The following NUFIP2 variants were observed in gnomAD, a reference collection of about 807,000 sequenced individuals.
The protein encoded by NUFIP2 is FMR1-interacting protein NUFIP2.
In NUFIP2, 6 loss-of-function variants were observed where a neutral mutation model predicts 56.9. The ratio of observed to expected loss-of-function variants is 0.11; its 90% CI spans 0.06 to 0.21. The LOEUF (loss-of-function observed/expected upper bound fraction) is 0.21. Among genes scored for constraint, NUFIP2 ranks in the 10% least tolerant of loss-of-function variants. The pLI, the probability that NUFIP2 is intolerant of heterozygous loss-of-function variation, is 1.00. For synonymous variants in NUFIP2, 321 were observed against 298.2 expected (o/e 1.08, Z -0.79); for missense variants, 828 against 826.8 (o/e 1.00, Z -0.02).
At chr17:29,285,785 T>C (rs939632131) in intron 2 of NUFIP2, among the ~76,000 whole-genome samples, 2 of 152,190 alleles carry the variant, frequency 1.3e-5, no homozygotes, top group Non-Finnish European at 2.9e-5. Context: ...AAAATCCTTT[T>C]AAGTTGGAAA....
chr17:29,284,182 G>T (rs545968601), intron 2 of NUFIP2, among the ~76,000 whole-genome samples: 1 of 152,270 alleles, frequency 6.6e-6, no homozygotes, highest in Admixed American at 6.5e-5. Flanking sequence ...GTTAAAATGG[G>T]AATGTGCACT....
chr17:29,282,616 C>T (rs921770703), intron 2 of NUFIP2, among the ~76,000 whole-genome samples: 1 of 151,392 alleles, frequency 6.6e-6, no homozygotes, highest in South Asian at 2.1e-4. Context: ...ATAAATAGTG[C>T]ACCATTCTTA....
chr17:29,265,593 C>T (rs1359136092), intron 3 of NUFIP2, among the ~76,000 whole-genome samples: 4 of 147,492 alleles, frequency 2.7e-5, no homozygotes, highest in Non-Finnish European at 4.5e-5. Context: ...TGAGCCACCG[C>T]GCCCGGCCAG....
intron 2 of NUFIP2, among the ~76,000 whole-genome samples, chr17:29,268,439 A>T (rs12450460): frequency 0.13 from 19,279 of 152,242 alleles, 1,392 homozygotes; most frequent in East Asian, 0.3. Flanking sequence ...ACTAATTAAA[A>T]TTGATGTTTA....
intron 1 of NUFIP2, among the ~76,000 whole-genome samples, chr17:29,288,583 C>T (rs762083365): frequency 2.6e-5 from 4 of 152,170 alleles, no homozygotes; most frequent in African/African-American, 4.8e-5. Flanking sequence ...ATTGTTAATA[C>T]GTGAAACCAA....
rs763233008 is a variant in NUFIP2, at chr17:29,287,227, T to C, written c.767A>G (p.Gln256Arg). The change falls in exon 2 of 4, where the codon CAG (glutamine) becomes CGG (arginine). Residue 256 changes from glutamine (Q) to arginine (R), a missense_variant. Physicochemically the swap from Gln to Arg is conservative, Grantham distance 43. Transcript: ENST00000225388. ...GTCAGGCTTGAAAGTTTCAAGTCCCTGTTTTAAGGTTGGGACACTGGTCTC... is the reference window on the plus strand; with the variant it reads ...GTCAGGCTTGAAAGTTTCAAGTCCCCGTTTTAAGGTTGGGACACTGGTCTC... ...QQETSVPTLK[Q>R]GLETFKPDYS... is the part of the protein sequence containing the mutation. The C allele has an allele frequency of 1.9e-6, 3 of 1,614,096 alleles. No homozygotes were observed. The highest frequency in any genetic ancestry group is 1.3e-5 in the African/African-American group (1 of 74,930).
intron 2 of NUFIP2, among the ~76,000 whole-genome samples, chr17:29,282,584 C>T (rs770674142): frequency 3.4e-5 from 5 of 149,232 alleles, no homozygotes; most frequent in Non-Finnish European, 7.4e-5. Context: ...AAAATAAAAA[C>T]ACCTTTCTTT....
intron 1 of NUFIP2, among the ~76,000 whole-genome samples, chr17:29,290,626 C>G (rs2153012891): frequency 6.6e-6 from 1 of 150,900 alleles, no homozygotes; most frequent in Non-Finnish European, 1.5e-5. Flanking sequence ...TGCACTCCAG[C>G]CTGGGCCACA....
At chr17:29,274,114 GTA>G (rs1435159254) in intron 2 of NUFIP2, among the ~76,000 whole-genome samples, 1 of 152,190 alleles carries the variant, frequency 6.6e-6, no homozygotes, top group Non-Finnish European at 1.5e-5. Flanking sequence ...AAGGTCGGTG[GTA>G]TGTGTGTGCT....
chr17:29,260,658 A>G lies in NUFIP2; in HGVS notation c.*3881T>C, dbSNP rs1264655666. ...GAAGCAACAAGCCTAACAACCAAGT[A>G]TGATATTATCACTATGTAATGTTTT... On this transcript the variant is annotated 3_prime_UTR_variant, in exon 4 of 4. Coordinates refer to ENST00000225388, the MANE Select transcript of NUFIP2 (RefSeq NM_020772.3). 1 of 152,218 alleles carries G rather than the reference A, an allele frequency of 6.6e-6. No individual in the cohort carries two copies. The highest frequency in any genetic ancestry group is 1.5e-5 in the Non-Finnish European group (1 of 68,028). 9.4% of individuals were successfully genotyped at this position (152,218 alleles called of 1,614,324 possible).
chr17:29,274,667 C>T (rs1364455269), intron 2 of NUFIP2, among the ~76,000 whole-genome samples: 4 of 152,084 alleles, frequency 2.6e-5, no homozygotes, highest in African/African-American at 9.7e-5. Flanking sequence ...TAAAAAGCTA[C>T]ATATGAAGTA....
intron 1 of NUFIP2, 133 bp from the exon 2 acceptor site, chr17:29,287,849 C>T: frequency 1.1e-6 from 1 of 922,346 alleles, no homozygotes; most frequent in African/African-American, 1.7e-5. Context: ...TATTTCACAT[C>T]TCTATGAGAA....
intron 2 of NUFIP2, among the ~76,000 whole-genome samples, chr17:29,283,766 T>A (rs2069154078): frequency 6.6e-6 from 1 of 152,176 alleles, no homozygotes; most frequent in Admixed American, 6.5e-5. Flanking sequence ...AACTAATGTA[T>A]AACACATGTC....
intron 1 of NUFIP2, among the ~76,000 whole-genome samples, chr17:29,288,380 C>G (rs2069191160): frequency 6.6e-6 from 1 of 152,194 alleles, no homozygotes; most frequent in Admixed American, 6.5e-5. Flanking sequence ...GAGATGCCCT[C>G]TGGGCAAAAA....
At position 29,264,029 on chromosome 17, in the gene NUFIP2, TA is replaced by T. The variant is rs928996830; in HGVS notation, c.*509del. On this transcript the variant is annotated 3_prime_UTR_variant, in exon 4 of 4. Transcript: ENST00000225388. ...GCATTCTCGCAGGGCTTAATTAAAG[TA>T]AAACCAAAAAGATCAAGGGAGGAGT... is the stretch of plus-strand genomic sequence containing the variant. 18 of 152,648 alleles carry T rather than the reference TA, an allele frequency of 1.2e-4. No individual in the cohort carries two copies. The highest frequency in any genetic ancestry group is 3.9e-4 in the Admixed American group (6 of 15,270). The allele number at this position is 152,648 out of a possible 1,614,324, so 9.5% of individuals were successfully genotyped here.
intron 1 of NUFIP2, among the ~76,000 whole-genome samples, chr17:29,292,185 CTTTCTT>C (rs1252714194): frequency 6.6e-6 from 1 of 152,076 alleles, no homozygotes; most frequent in African/African-American, 2.4e-5. Context: ...CGAAAAACAC[CTTTCTT>C]TTTAACACGG....
At chr17:29,269,017 T>G (rs192864943) in intron 2 of NUFIP2, among the ~76,000 whole-genome samples, 14 of 152,284 alleles carry the variant, frequency 9.2e-5, no homozygotes, top group Non-Finnish European at 8.8e-5. Context: ...AGTTAAAAAC[T>G]CTACCTGTGA....
chr17:29,276,460 G>T (rs993089208), intron 2 of NUFIP2, among the ~76,000 whole-genome samples: 3 of 152,086 alleles, frequency 2.0e-5, no homozygotes, highest in Non-Finnish European at 4.4e-5. Context: ...AGTCTCCTGA[G>T]TAGCTGGGAC....
chr17:29,282,104 C>T (rs1292254000), intron 2 of NUFIP2, among the ~76,000 whole-genome samples: 46 of 151,966 alleles, frequency 3.0e-4, no homozygotes, highest in Admixed American at 3.0e-3. Flanking sequence ...ACTTCATACC[C>T]TCAATTGTAC....
Sources: gnomAD v4.1 joint callset for allele counts (sites outside exome capture counted in the v4.1 genomes callset) on GRCh38, gnomAD v4.1.1 for gene constraint, MANE v1.5 for transcripts, NCBI Gene and HGNC (gene_info 2026-07-23, HGNC 2026-07-21) for gene names.